Variants in HCRTR2 observed in about 807,000 individuals in gnomAD.
The protein encoded by HCRTR2 is hypocretin receptor 2, also known as orexin receptor type 2.
In HCRTR2, 22 loss-of-function variants were observed where a neutral mutation model predicts 49.0. The ratio of observed to expected loss-of-function variants is 0.45; its 90% confidence interval spans 0.32 to 0.64. The LOEUF (loss-of-function observed/expected upper bound fraction) is 0.64, where lower values mean the gene tolerates loss of function less well. HCRTR2 is among the 30% of genes least tolerant of loss of function. HCRTR2 has a pLI of 0.04. For missense variants in HCRTR2, 491 were observed against 559.4 expected, an observed-to-expected ratio of 0.88 and a Z score of 1.23; for synonymous variants, 236 against 205.3, an observed-to-expected ratio of 1.15 and a Z score of -1.28.
Position 55,125,468 on chromosome 6 carries a change from C to T in HCRTR2, c.-378+18923C>T, listed in dbSNP as rs1041846583. Among the ~76,000 whole-genome samples, 3 of 152,306 alleles carry T rather than the reference C, an allele frequency of 2.0e-5. No homozygotes were observed. The East Asian group carries it at 5.8e-4, about 29-fold the overall frequency. On this transcript the variant is annotated intron_variant, in intron 1 of 7. Transcript: ENST00000615358. ...CACTGTCTTCTGGCTTGTAGGGTTTCTGCAGGGAGATCCACTGTTAGTCTG... is the reference window on the plus strand; with the variant it reads ...CACTGTCTTCTGGCTTGTAGGGTTTTTGCAGGGAGATCCACTGTTAGTCTG...
chr6:55,148,100 A>G (rs564236964), intron 1 of HCRTR2, among the ~76,000 whole-genome samples: 18 of 152,306 alleles, frequency 1.2e-4, no homozygotes, highest in African/African-American at 4.3e-4. Context: ...ATGGTGAGGC[A>G]AACCAAGGTT....
chr6:55,113,058 G>T (rs1020737091), intron 1 of HCRTR2, among the ~76,000 whole-genome samples: 1 of 152,040 alleles, frequency 6.6e-6, no homozygotes, highest in Non-Finnish European at 1.5e-5. Context: ...AATGGTGCTA[G>T]GATAACTGGC....
intron 1 of HCRTR2, among the ~76,000 whole-genome samples, chr6:55,185,459 G>A (rs1192171851): frequency 2.0e-5 from 3 of 152,110 alleles, no homozygotes; most frequent in Non-Finnish European, 4.4e-5. Context: ...AATCATCTTA[G>A]AGAAAAGGGG....
At chr6:55,110,350 G>A (rs945131714) in intron 1 of HCRTR2, among the ~76,000 whole-genome samples, 1 of 152,018 alleles carries the variant, frequency 6.6e-6, no homozygotes, top group African/African-American at 2.4e-5. Context: ...TAACTAGCAT[G>A]ATGAATAGAA....
rs553151679 is a variant in HCRTR2 at position 55,276,119 on chromosome 6, C to A, written c.763-1261C>A. ...GTCACAGAAGAGAAAGTTCCTATCT[C>A]TCCCCAACCAGTGGGTTAAAAGATT... is the stretch of plus-strand genomic sequence containing the variant. On this transcript the variant is annotated intron_variant, in intron 4 of 6. Transcript: ENST00000370862. Among the ~76,000 whole-genome samples the A allele has an allele frequency of 2.0e-5, 3 of 152,248 alleles. No individual in the cohort carries two copies. The East Asian group carries it at 5.8e-4, about 29-fold the overall frequency.
At chr6:55,164,279 T>C (rs1309645610) in intron 1 of HCRTR2, among the ~76,000 whole-genome samples, 1 of 152,188 alleles carries the variant, frequency 6.6e-6, no homozygotes, top group Non-Finnish European at 1.5e-5. Context: ...ACTGGGCATA[T>C]ACCCAAAGGA....
intron 1 of HCRTR2, among the ~76,000 whole-genome samples, chr6:55,245,930 T>C (rs1377910077): frequency 6.6e-6 from 1 of 152,024 alleles, no homozygotes; most frequent in Non-Finnish European, 1.5e-5. Flanking sequence ...CAGATGTAAT[T>C]TGATATGGTA....
chr6:55,195,875 G>A (rs1765400238), intron 1 of HCRTR2, among the ~76,000 whole-genome samples: 1 of 152,102 alleles, frequency 6.6e-6, no homozygotes, highest in South Asian at 2.1e-4. Context: ...GGCTGAGGTG[G>A]GAGAATGGCA....
At chr6:55,187,150 T>G (rs1207104019) in intron 1 of HCRTR2, among the ~76,000 whole-genome samples, 1 of 151,892 alleles carries the variant, frequency 6.6e-6, no homozygotes, top group Non-Finnish European at 1.5e-5. Flanking sequence ...CTCATGCCTG[T>G]AATCCCAGCA....
chr6:55,282,400 T>C lies in HCRTR2; in HGVS notation c.1281T>C (p.Thr427=). ...AACTTTCTGAGCAAGTTGTGCTCAC[T>C]AGCATAAGCACACTCCCAGCAGCCA... is the stretch of plus-strand genomic sequence containing the variant. ...ISKLSEQVVL[T]SISTLPAANG... Residue 427 remains threonine (T), a synonymous_variant, in exon 7 of 7, where the codon ACT becomes ACC. Transcript: ENST00000370862. 1.2e-6 allele frequency: 2 copies of C among 1,612,558 alleles called. No homozygotes were observed. The highest frequency in any genetic ancestry group is 2.2e-5 in the East Asian group (1 of 44,812).
Position 55,204,422 on chromosome 6 carries a change from C to T in HCRTR2, c.223+29612C>T, listed in dbSNP as rs978542946. On this transcript the variant is annotated intron_variant, in intron 1 of 6. Transcript: ENST00000370862. ...CTAATAGTGTTCATTGGTATCACTT[C>T]CAAAATAAATTACCTTTACTTGAAT... 6.6e-5 allele frequency among the ~76,000 whole-genome samples: 10 copies of T among 152,246 alleles called. No homozygotes were observed. In the South Asian group the frequency reaches 1.0e-3, roughly 16 times the overall value.
intron 1 of HCRTR2, among the ~76,000 whole-genome samples, chr6:55,240,072 C>T (rs952089631): frequency 9.9e-5 from 15 of 151,754 alleles, no homozygotes; most frequent in African/African-American, 3.4e-4. Flanking sequence ...CCACCGCGCC[C>T]GGCCAGTAAA....
At chr6:55,184,837 T>C (rs1195465873) in intron 1 of HCRTR2, among the ~76,000 whole-genome samples, 3 of 152,230 alleles carry the variant, frequency 2.0e-5, no homozygotes, top group African/African-American at 7.2e-5. Flanking sequence ...CCATGGTTTA[T>C]AACCATGTGA....
At chr6:55,239,091 G>A (rs1423590840) in intron 1 of HCRTR2, among the ~76,000 whole-genome samples, 2 of 152,122 alleles carry the variant, frequency 1.3e-5, no homozygotes, top group African/African-American at 4.8e-5. Context: ...AAAAGATGTG[G>A]GTGACCAAAA....
chr6:55,281,447 A>T lies in HCRTR2; in HGVS notation c.1106-778A>T, dbSNP rs145120818. On this transcript the variant is annotated intron_variant, in intron 6 of 6. Transcript: ENST00000370862. ...TCAAAGTCCTAGTATGGAGGATAAAAGTGAGTTAGAGGAGGCAACTGATAA... is the reference window on the plus strand; with the variant it reads ...TCAAAGTCCTAGTATGGAGGATAAATGTGAGTTAGAGGAGGCAACTGATAA... Among the ~76,000 whole-genome samples, 304 of 152,322 alleles carry T rather than the reference A, an allele frequency of 2.0e-3. 2 individuals are homozygous for T. Among genetic ancestry groups the T allele is most frequent in the African/African-American group, 7.1e-3 (296 of 41,576 alleles).
At chr6:55,163,301 A>C (rs545112092) in intron 1 of HCRTR2, among the ~76,000 whole-genome samples, 1 of 152,152 alleles carries the variant, frequency 6.6e-6, no homozygotes, top group Non-Finnish European at 1.5e-5. Context: ...GAACTAAAAA[A>C]GAGCCCATAT....
At chr6:55,247,602 G>T (rs970636360) in intron 1 of HCRTR2, among the ~76,000 whole-genome samples, 1 of 152,088 alleles carries the variant, frequency 6.6e-6, no homozygotes, top group Non-Finnish European at 1.5e-5. Flanking sequence ...CCCATGAATA[G>T]ATGTGATGGC....
At position 55,270,266 on chromosome 6, in the gene HCRTR2, G is replaced by A. The variant is rs144526484; in HGVS notation, c.762+6444G>A. ...GTCTGTTAATCAAATCAATTAAATA[G>A]ATAATGTTCCTTCAACATTTTCAAG... On this transcript the variant is annotated intron_variant, in intron 4 of 6. Transcript: ENST00000370862. 2.0e-3 allele frequency among the ~76,000 whole-genome samples: 303 copies of A among 152,254 alleles called. 2 individuals are homozygous for A. The highest frequency in any genetic ancestry group is 7.1e-3 in the African/African-American group (295 of 41,554).
intron 1 of HCRTR2, among the ~76,000 whole-genome samples, chr6:55,153,903 T>TA (rs1044666479): frequency 6.6e-6 from 1 of 151,390 alleles, no homozygotes; most frequent in Non-Finnish European, 1.5e-5. Flanking sequence ...TTACCTTGAC[T>TA]AAAAAAAGAG....
Sources: allele counts gnomAD v4.1 joint callset (sites outside exome capture counted in the v4.1 genomes callset), GRCh38; gene constraint gnomAD v4.1.1; transcripts MANE v1.5; gene names NCBI Gene and HGNC (gene_info 2026-07-23, HGNC 2026-07-21).